The following PTPRD variants were observed in gnomAD, a reference collection of about 807,000 sequenced individuals.
The protein encoded by PTPRD is receptor-type tyrosine-protein phosphatase delta.
A neutral mutation model predicts 214.5 loss-of-function variants in PTPRD; 34 were observed. The ratio of observed to expected loss-of-function variants is 0.16; its 90% CI spans 0.12 to 0.21. PTPRD has a LOEUF of 0.21. Ranked by LOEUF, PTPRD falls within the 10% of genes least tolerant of loss-of-function variation. The probability of loss-of-function intolerance (pLI) is 1.00; values close to 1 mark genes in which losing one functional copy is unlikely to be tolerated. For synonymous variants in PTPRD, 1,128 were observed against 845.7 expected, an observed-to-expected ratio of 1.33 and a Z score of -5.79; for missense variants, 2,545 against 2,398.7, an observed-to-expected ratio of 1.06 and a Z score of -1.27.
chr9:8,670,608 T>C (rs1358902256), intron 12 of PTPRD, among the ~76,000 whole-genome samples: 2 of 152,246 alleles, frequency 1.3e-5, no homozygotes, highest in African/African-American at 4.8e-5. Context: ...ACTTTCGCGT[T>C]CTAAACTTTA....
intron 9 of PTPRD, among the ~76,000 whole-genome samples, chr9:9,294,239 C>T (rs1952212453): frequency 6.6e-6 from 1 of 151,672 alleles, no homozygotes; most frequent in African/African-American, 2.4e-5. Flanking sequence ...TATTTCAGAT[C>T]ACAGTTTACC....
intron 10 of PTPRD, among the ~76,000 whole-genome samples, chr9:9,084,968 A>G (rs1022561937): frequency 6.6e-6 from 1 of 152,174 alleles, no homozygotes; most frequent in African/African-American, 2.4e-5. Flanking sequence ...ACAGACAGGG[A>G]AAGATTATTT....
At chr9:9,717,493 C>A (rs893139350) in intron 7 of PTPRD, among the ~76,000 whole-genome samples, 8 of 152,104 alleles carry the variant, frequency 5.3e-5, no homozygotes, top group Admixed American at 5.2e-4. Flanking sequence ...ATGAAGTCAT[C>A]TTTCAATGTA....
At chr9:10,094,928 T>C (rs1365017774) in intron 3 of PTPRD, among the ~76,000 whole-genome samples, 1 of 151,472 alleles carries the variant, frequency 6.6e-6, no homozygotes, top group Non-Finnish European at 1.5e-5. Flanking sequence ...TGATTTGTTT[T>C]CCATTCTCAC....
At chr9:10,533,719 G>A (rs1306542259) in intron 2 of PTPRD, among the ~76,000 whole-genome samples, 1 of 151,754 alleles carries the variant, frequency 6.6e-6, no homozygotes, top group African/African-American at 2.4e-5. Context: ...AGGGAATTAA[G>A]AGCTTTTTAA....
Position 9,319,689 on chromosome 9 carries a change from A to C in PTPRD, c.-203+77760T>G, listed in dbSNP as rs77294298. Among the ~76,000 whole-genome samples, 553 of 152,302 alleles carry C rather than the reference A, an allele frequency of 3.6e-3. 6 individuals carry two copies. Among genetic ancestry groups the C allele is most frequent in the African/African-American group, 0.013 (535 of 41,588 alleles). ...TTACGTAGTTCAGAAGTCTGAGTTA[A>C]GTACTCAAAAATTCCAAAAAGAAGG... On this transcript the variant is annotated intron_variant, in intron 9 of 45. Transcript: ENST00000381196.
At chr9:9,751,408 C>T (rs2098517943) in intron 6 of PTPRD, among the ~76,000 whole-genome samples, 1 of 152,082 alleles carries the variant, frequency 6.6e-6, no homozygotes, top group African/African-American at 2.4e-5. Flanking sequence ...CCTGAGTTAA[C>T]TCATCTCTAC....
intron 2 of PTPRD, among the ~76,000 whole-genome samples, chr9:10,476,799 C>A (rs919601185): frequency 6.6e-6 from 1 of 151,986 alleles, no homozygotes; most frequent in African/African-American, 2.4e-5. Flanking sequence ...ATATACAGAC[C>A]AAGGGAACAG....
chr9:10,060,897 CTTCT>C (rs369686972), intron 3 of PTPRD, among the ~76,000 whole-genome samples: 11,043 of 69,276 alleles, frequency 0.16, 1,078 homozygotes, highest in Middle Eastern at 0.22. Context: ...TCCTTCCTTC[CTTCT>C]TTCTTTCTTT....
At chr9:9,555,364 C>T (rs1247741566) in intron 8 of PTPRD, among the ~76,000 whole-genome samples, 3 of 152,022 alleles carry the variant, frequency 2.0e-5, no homozygotes, top group East Asian at 1.9e-4. Context: ...ACATTATTGA[C>T]TGAGTTCACC....
intron 3 of PTPRD, among the ~76,000 whole-genome samples, chr9:10,089,491 T>G (rs2098404008): frequency 6.6e-6 from 1 of 151,412 alleles, no homozygotes; most frequent in South Asian, 2.1e-4. Flanking sequence ...GTAATAATGG[T>G]GAGTGGGATT....
At chr9:9,694,690 G>C (rs2097338361) in intron 7 of PTPRD, among the ~76,000 whole-genome samples, 1 of 152,026 alleles carries the variant, frequency 6.6e-6, no homozygotes, top group Non-Finnish European at 1.5e-5. Context: ...ACCACACCAA[G>C]TCCTTCCCAC....
intron 12 of PTPRD, among the ~76,000 whole-genome samples, chr9:8,659,656 T>C (rs1027712565): frequency 9.2e-5 from 14 of 152,166 alleles, no homozygotes; most frequent in African/African-American, 2.9e-4. Context: ...ACAGAAGTAA[T>C]TGATTGGGGC....
At chr9:9,342,045 G>A (rs2047009378) in intron 9 of PTPRD, among the ~76,000 whole-genome samples, 1 of 152,126 alleles carries the variant, frequency 6.6e-6, no homozygotes, top group South Asian at 2.1e-4. Flanking sequence ...CTGACCTCAA[G>A]TGATCCACCC....
intron 5 of PTPRD, among the ~76,000 whole-genome samples, chr9:9,814,239 A>G (rs1364795822): frequency 6.6e-6 from 1 of 151,974 alleles, no homozygotes; most frequent in African/African-American, 2.4e-5. Context: ...CGGGACCAAG[A>G]CAAATGTGTC....
At chr9:8,554,275 G>T (rs2083045444) in intron 14 of PTPRD, among the ~76,000 whole-genome samples, 1 of 152,132 alleles carries the variant, frequency 6.6e-6, no homozygotes, top group African/African-American at 2.4e-5. Context: ...TAACAAGGAG[G>T]ATTCTGAGTT....
chr9:9,501,967 C>A (rs1336297372), intron 8 of PTPRD, among the ~76,000 whole-genome samples: 1 of 151,710 alleles, frequency 6.6e-6, no homozygotes, highest in Non-Finnish European at 1.5e-5. Context: ...TGTTTTTAAA[C>A]CCTCTTTATT....
chr9:8,658,611 G>T (rs910496318), intron 12 of PTPRD, among the ~76,000 whole-genome samples: 1 of 148,336 alleles, frequency 6.7e-6, no homozygotes, highest in African/African-American at 2.5e-5. Context: ...AAAATAATAT[G>T]AATTTGGCCC....
intron 39 of PTPRD, among the ~76,000 whole-genome samples, chr9:8,342,328 A>AGAT (rs1438825354): frequency 6.6e-6 from 1 of 152,108 alleles, no homozygotes; most frequent in Non-Finnish European, 1.5e-5. Context: ...CATATTTAGA[A>AGAT]GATAGTTTTA....
Sources: gnomAD v4.1 joint callset for allele counts (sites outside exome capture counted in the v4.1 genomes callset) on GRCh38, gnomAD v4.1.1 for gene constraint, MANE v1.5 for transcripts, NCBI Gene and HGNC (gene_info 2026-07-23, HGNC 2026-07-21) for gene names.